The following FHDC1 variants were observed in gnomAD, a reference collection of about 807,000 sequenced individuals.
The protein encoded by FHDC1 is FH2 domain-containing protein 1.
In FHDC1, 25 loss-of-function variants were observed where a neutral mutation model predicts 52.6. That is an observed-to-expected ratio of 0.48 (90% CI 0.35 to 0.66). The LOEUF is 0.66. Ranked by LOEUF, FHDC1 falls within the 30% of genes least tolerant of loss-of-function variation. The probability of loss-of-function intolerance (pLI) is 0.01; values close to 1 mark genes in which losing one functional copy is unlikely to be tolerated. For missense variants in FHDC1, 1,459 were observed against 1,452.8 expected, an observed-to-expected ratio of 1.00 and a Z score of -0.07; for synonymous variants, 616 against 581.5, an observed-to-expected ratio of 1.06 and a Z score of -0.85.
chr4:152,921,008 C>T, the FHDC1 span, among the ~76,000 whole-genome samples: 26 of 152,148 alleles, frequency 1.7e-4, no homozygotes, highest in South Asian at 4.6e-3. Flanking sequence ...TTGTCCTGAA[C>T]ATCCCTTTTT....
Position 152,975,008 on chromosome 4 carries a change from C to A in FHDC1, c.1717C>A (p.Arg573=), listed in dbSNP as rs77708442. 3 of 1,612,586 alleles carry A rather than the reference C, an allele frequency of 1.9e-6. No individual in the cohort carries two copies. In the South Asian group the frequency reaches 3.3e-5, roughly 18 times the overall value. ...GCCCAATAAGTTCCACAGCCTGCCCCGGAGCAGCCCCCGGCAGGCCCGGCC... is the reference window on the plus strand; with the variant it reads ...GCCCAATAAGTTCCACAGCCTGCCCAGGAGCAGCCCCCGGCAGGCCCGGCC... ...EEPNKFHSLP[R]SSPRQARPTI... is the part of the protein sequence containing the mutation. The change falls in exon 12 of 12, where the codon CGG becomes AGG. Residue 573 remains arginine, a synonymous_variant. Coordinates refer to ENST00000511601, the MANE Select transcript of FHDC1 (RefSeq NM_001371116.1).
chr4:152,975,038 A>G lies in FHDC1; in HGVS notation c.1747A>G (p.Ile583Val), dbSNP rs1000894766. The change falls in exon 12 of 12, where the codon ATA becomes GTA. Residue 583 changes from isoleucine to valine, a missense_variant. Physicochemically the swap from Ile to Val is conservative, Grantham distance 29 (BLOSUM62 3). This residue lies in a region of FHDC1 where 939 missense variants were observed against 854.5 expected (regional missense o/e 1.10). Coordinates refer to ENST00000511601, the MANE Select transcript of FHDC1 (RefSeq NM_001371116.1). ...CAGCCCCCGGCAGGCCCGGCCCACG[A>G]TAGCCTGCCTGGAGCCTGCAGAAGT... ...RSSPRQARPT[I>V]ACLEPAEVRH... 4.3e-6 allele frequency: 7 copies of G among 1,612,570 alleles called. No homozygotes were observed. Among genetic ancestry groups the G allele is most frequent in the Middle Eastern group, 1.7e-4 (1 of 6,060 alleles).
chr4:152,926,674 C>T, the FHDC1 span, among the ~76,000 whole-genome samples: 6 of 149,970 alleles, frequency 4.0e-5, no homozygotes, highest in South Asian at 4.2e-4. Flanking sequence ...TTTTGCTGGC[C>T]GTTTTTTCTT....
chr4:152,968,059 G>T lies in FHDC1; in HGVS notation c.1180G>T (p.Asp394Tyr). 1 of 1,613,910 alleles carries T rather than the reference G, an allele frequency of 6.2e-7. No individual in the cohort carries two copies. The highest frequency in any genetic ancestry group is 8.5e-7 in the Non-Finnish European group (1 of 1,179,906). The change falls in exon 10 of 12, where the codon GAT becomes TAT. Residue 394 changes from aspartate to tyrosine, a missense_variant. Coordinates refer to ENST00000511601, the MANE Select transcript of FHDC1 (RefSeq NM_001371116.1). ...TKSLKENIQRDGELCQQMEDF... is the reference protein window; with the variant it reads ...TKSLKENIQRYGELCQQMEDF... ...ATCACTAAAAGAAAACATCCAGCGG[G>T]ATGGTGAACTTTGTCAGCAGATGGA...
chr4:152,915,872 C>A, the FHDC1 span, among the ~76,000 whole-genome samples: 3 of 152,130 alleles, frequency 2.0e-5, no homozygotes, highest in Non-Finnish European at 4.4e-5. Flanking sequence ...GTGCTTACAA[C>A]CTAAATTGTG....
At chr4:152,951,345 A>G (rs1739921084) in intron 2 of FHDC1, among the ~76,000 whole-genome samples, 1 of 151,984 alleles carries the variant, frequency 6.6e-6, no homozygotes. Context: ...GACAGGTTTT[A>G]TTCTCACCCT....
chr4:152,963,584 G>T (rs994846549), intron 8 of FHDC1, among the ~76,000 whole-genome samples: 1 of 132,946 alleles, frequency 7.5e-6, no homozygotes, highest in Non-Finnish European at 1.7e-5. Context: ...GAGCGTTGAG[G>T]GGGAGGGTAA....
chr4:152,914,891 C>CG, the FHDC1 span, among the ~76,000 whole-genome samples: 2 of 145,922 alleles, frequency 1.4e-5, no homozygotes, highest in African/African-American at 5.0e-5. Flanking sequence ...TCTGTAAAAA[C>CG]TTTTTTTTTT....
chr4:152,951,950 T>C (rs148591713), intron 2 of FHDC1, among the ~76,000 whole-genome samples: 1 of 152,292 alleles, frequency 6.6e-6, no homozygotes, highest in Admixed American at 6.5e-5. Context: ...TTTGACAGAA[T>C]AGCTATCCCA....
At chr4:152,963,163 A>G (rs1034199652) in intron 8 of FHDC1, 33 bp downstream of exon 8, 1 of 1,573,148 alleles carries the variant, frequency 6.4e-7, no homozygotes, top group Non-Finnish European at 8.7e-7. Context: ...TAGAGAACGC[A>G]TATGAATACC....
Position 152,975,685 on chromosome 4 carries a change from G to A in FHDC1, c.2394G>A (p.Pro798=), listed in dbSNP as rs764837988. 1.3e-5 allele frequency: 21 copies of A among 1,612,148 alleles called. No individual in the cohort carries two copies. In the East Asian group the frequency reaches 1.8e-4, roughly 14 times the overall value. The change falls in exon 12 of 12, where the codon CCG becomes CCA. Residue 798 remains proline, a synonymous_variant. Coordinates refer to ENST00000511601, the MANE Select transcript of FHDC1 (RefSeq NM_001371116.1). ...GTDSRPRGGD[P]EEGGEGDGSM... is the part of the protein sequence containing the mutation. Reference sequence around the variant, plus strand: ...ACTCCAGACCCAGAGGCGGGGACCCGGAGGAAGGCGGGGAAGGGGATGGCT... The same window carrying A: ...ACTCCAGACCCAGAGGCGGGGACCCAGAGGAAGGCGGGGAAGGGGATGGCT...
chr4:152,959,885 C>G (rs984148733), intron 4 of FHDC1, among the ~76,000 whole-genome samples: 2 of 152,200 alleles, frequency 1.3e-5, no homozygotes, highest in Admixed American at 6.5e-5. Context: ...AAGCTGACCT[C>G]CTTTCCAGGC....
the FHDC1 span, chr4:152,927,602 T>A: frequency 3.7e-6 from 6 of 1,606,926 alleles, no homozygotes; most frequent in Non-Finnish European, 4.3e-6. Context: ...TGACCCTCGA[T>A]CTCTATATGA....
At chr4:152,921,584 TCCTC>T in the FHDC1 span, among the ~76,000 whole-genome samples, 6,737 of 133,012 alleles carry the variant, frequency 0.051, 270 homozygotes, top group Non-Finnish European at 0.072. Context: ...CTTCCTTCCT[TCCTC>T]CCTCCCTCCC....
At chr4:152,935,918 G>T (rs1307068161), upstream of FHDC1, among the ~76,000 whole-genome samples, 1 of 152,130 alleles carries the variant, frequency 6.6e-6, no homozygotes, top group Non-Finnish European at 1.5e-5. Context: ...TGTCGCAAAG[G>T]CTCCTTTGTG....
In FHDC1 at chr4:152,972,372, C is replaced by T. The variant is rs779054656; in HGVS notation, c.1219-5C>T. 60 of 1,592,824 alleles carry T rather than the reference C, an allele frequency of 3.8e-5. 2 individuals carry two copies. The highest frequency in any genetic ancestry group is 1.7e-4 in the South Asian group (15 of 86,696). Reference sequence around the variant, plus strand: ...CTCAGTGTGTGTTCGTTTGTTTTTCCGCAGTTTGCCATAGAAAAGCTGAGG... The same window carrying T: ...CTCAGTGTGTGTTCGTTTGTTTTTCTGCAGTTTGCCATAGAAAAGCTGAGG... On this transcript the variant is annotated splice_polypyrimidine_tract_variant and splice_region_variant and intron_variant, in intron 10 of 11. Coordinates refer to ENST00000511601, the MANE Select transcript of FHDC1 (RefSeq NM_001371116.1).
In FHDC1 at chr4:152,943,226, T is replaced by TCCCCCCCCCCCC; in HGVS notation, c.173_174insCCCCCCCCCCCC (p.Pro62_Pro65dup). ...ATGTTCAAGGGAAGAGTGTCCTTCC[T>TCCCCCCCCCCCC]CCCCTCCTCCACCCCCACCACCTCC... On this transcript the variant is annotated inframe_insertion, in exon 2 of 12. Transcript: ENST00000511601. The TCCCCCCCCCCCC allele has an allele frequency of 6.2e-7, 1 of 1,603,516 alleles. No individual in the cohort carries two copies. Among genetic ancestry groups the TCCCCCCCCCCCC allele is most frequent in the South Asian group, 1.1e-5 (1 of 90,018 alleles).
chr4:152,971,319 G>C (rs1740629348), intron 10 of FHDC1, among the ~76,000 whole-genome samples: 1 of 152,190 alleles, frequency 6.6e-6, no homozygotes, highest in South Asian at 2.1e-4. Flanking sequence ...TCACACCATT[G>C]TACTCCAGCC....
At chr4:152,963,769 G>GTTTTTTTTTTTTTTTTTTTTTTT (rs58783965) in intron 8 of FHDC1, among the ~76,000 whole-genome samples, 2 of 51,794 alleles carry the variant, frequency 3.9e-5, no homozygotes, top group African/African-American at 6.5e-5. Flanking sequence ...CCATTGCTTT[G>GTTTTTTTTTTTTTTTTTTTTTTT]TTTTTTTTTT....
Sources: gnomAD v4.1 joint callset for allele counts (sites outside exome capture counted in the v4.1 genomes callset) on GRCh38, gnomAD v4.1.1 for gene constraint, gnomAD v4.1.1 regional missense constraint, MANE v1.5 for transcripts, NCBI Gene and HGNC (gene_info 2026-07-23, HGNC 2026-07-21) for gene names.